Variants in SLC12A8 observed in about 807,000 individuals in gnomAD.
The protein encoded by SLC12A8 is solute carrier family 12 member 8.
Under a neutral mutation model 75.6 loss-of-function variants are expected in SLC12A8, and 69 were observed. That is an observed-to-expected ratio of 0.91 (90% CI 0.75 to 1.11). SLC12A8 has a LOEUF of 1.11. Among genes scored for constraint, SLC12A8 ranks in the 50% most tolerant of loss-of-function variants. SLC12A8 has a pLI of 0.00. For synonymous variants in SLC12A8, 365 were observed against 372.8 expected, an observed-to-expected ratio of 0.98 and a Z score of 0.24; for missense variants, 877 against 896.7, an observed-to-expected ratio of 0.98 and a Z score of 0.28.
intron 13 of SLC12A8, among the ~76,000 whole-genome samples, chr3:125,087,780 A>ACT (rs1938496558): frequency 6.6e-6 from 1 of 152,160 alleles, no homozygotes; most frequent in Non-Finnish European, 1.5e-5. Context: ...ATTTCTCAGG[A>ACT]AAGTTTTTTT....
intron 5 of SLC12A8, among the ~76,000 whole-genome samples, chr3:125,168,319 T>C (rs1438990323): frequency 1.3e-5 from 2 of 152,046 alleles, no homozygotes; most frequent in Non-Finnish European, 2.9e-5. Flanking sequence ...GAAAGGGCAG[T>C]GGGGGAAGAA....
chr3:125,107,328 C>T, intron 10 of SLC12A8, 153 bp downstream of exon 10: 1 of 703,740 alleles, frequency 1.4e-6, no homozygotes, highest in Non-Finnish European at 2.4e-6. Context: ...AATAATTCAG[C>T]TGATACCTGA....
At chr3:125,126,596 T>G (rs1933215052) in intron 6 of SLC12A8, among the ~76,000 whole-genome samples, 1 of 152,176 alleles carries the variant, frequency 6.6e-6, no homozygotes, top group African/African-American at 2.4e-5. Flanking sequence ...CAATTCCCTT[T>G]TCTGTTCCTG....
chr3:125,135,538 C>G (rs2107760843), intron 6 of SLC12A8, 131 bp downstream of exon 6: 1 of 505,036 alleles, frequency 2.0e-6, no homozygotes, highest in Middle Eastern at 4.8e-4. Flanking sequence ...AAATTTTAGT[C>G]AAAGCTAAGC....
chr3:125,190,053 G>T (rs1344302813), intron 3 of SLC12A8, among the ~76,000 whole-genome samples: 1 of 152,158 alleles, frequency 6.6e-6, no homozygotes, highest in Non-Finnish European at 1.5e-5. Context: ...ACTACAGAGG[G>T]CCACAAGCTG....
At chr3:125,199,387 T>C (rs1935076232) in intron 2 of SLC12A8, among the ~76,000 whole-genome samples, 1 of 152,162 alleles carries the variant, frequency 6.6e-6, no homozygotes, top group South Asian at 2.1e-4. Flanking sequence ...GTCAAATAAA[T>C]AAATAGGTTG....
chr3:125,088,029 C>A (rs922106261), intron 13 of SLC12A8: 33 of 428,726 alleles, frequency 7.7e-5, no homozygotes, highest in African/African-American at 6.3e-4. Context: ...TGACTTATCA[C>A]CCCAGCAACC....
rs186413007 is a variant in SLC12A8, at chr3:125,111,796, A to G, written c.913-1461T>C. 1.8e-4 allele frequency among the ~76,000 whole-genome samples: 27 copies of G among 152,312 alleles called. 1 individual carries two copies. In the East Asian group the frequency reaches 4.8e-3, roughly 27 times the overall value. Reference sequence around the variant, plus strand: ...TCAGTCAGGACAGTTGATTGGAAAAAAAAAATTTCTTTAAAAAAGAATATA... The same window carrying G: ...TCAGTCAGGACAGTTGATTGGAAAAGAAAAATTTCTTTAAAAAAGAATATA... On this transcript the variant is annotated intron_variant, in intron 8 of 13. Transcript: ENST00000469902.
chr3:125,189,266 A>T (rs1309056045), intron 3 of SLC12A8, among the ~76,000 whole-genome samples: 1 of 152,220 alleles, frequency 6.6e-6, no homozygotes, highest in Non-Finnish European at 1.5e-5. Flanking sequence ...TTCAGACTCA[A>T]GACTGCAGCA....
chr3:125,112,286 T>C (rs975449299), intron 8 of SLC12A8, among the ~76,000 whole-genome samples: 1 of 146,630 alleles, frequency 6.8e-6, no homozygotes, highest in African/African-American at 2.4e-5. Flanking sequence ...CACCTGTCTC[T>C]TTTTTCAATA....
chr3:125,184,938 A>G (rs895646816), intron 4 of SLC12A8, among the ~76,000 whole-genome samples: 2 of 152,200 alleles, frequency 1.3e-5, no homozygotes, highest in Non-Finnish European at 2.9e-5. Context: ...AAGGGGAGAC[A>G]TTACCACCAA....
At chr3:125,177,704 A>G (rs761803027) in intron 5 of SLC12A8, 39 bp downstream of exon 5, 1 of 1,529,580 alleles carries the variant, frequency 6.5e-7, no homozygotes, top group Non-Finnish European at 9.1e-7. Context: ...AAAGCAGTGA[A>G]GATCCATAAG....
chr3:125,199,013 C>T lies in SLC12A8; in HGVS notation c.52-8492G>A, dbSNP rs563057448. 2.6e-5 allele frequency among the ~76,000 whole-genome samples: 4 copies of T among 152,074 alleles called. No individual in the cohort carries two copies. The East Asian group carries it at 5.9e-4, about 22-fold the overall frequency. On this transcript the variant is annotated intron_variant, in intron 2 of 13. Coordinates refer to ENST00000469902, the MANE Select transcript of SLC12A8 (RefSeq NM_024628.6). ...CAGGATGGTCTCGATCTCCTGACCT[C>T]GTGATCCACCCTCCTTGGCCTCCCA...
At chr3:125,175,238 CT>C (rs1316750229) in intron 5 of SLC12A8, among the ~76,000 whole-genome samples, 17 of 152,080 alleles carry the variant, frequency 1.1e-4, no homozygotes, top group Admixed American at 1.0e-3. Flanking sequence ...TCCTTCCAGT[CT>C]TTTTTTCAAA....
At chr3:125,086,900 T>A (rs760547237) in intron 13 of SLC12A8, among the ~76,000 whole-genome samples, 3 of 152,170 alleles carry the variant, frequency 2.0e-5, no homozygotes, top group Non-Finnish European at 4.4e-5. Flanking sequence ...ACGAAGGCTT[T>A]ATTTCTTGTG....
At chr3:125,126,575 G>A (rs766146626) in intron 6 of SLC12A8, among the ~76,000 whole-genome samples, 57 of 152,062 alleles carry the variant, frequency 3.7e-4, no homozygotes, top group Non-Finnish European at 6.0e-4. Context: ...CCACAAGCCC[G>A]TTTCCCACCC....
chr3:125,097,535 TGTG>T (rs1938748081), intron 10 of SLC12A8, among the ~76,000 whole-genome samples: 2 of 9,200 alleles, frequency 2.2e-4, no homozygotes, highest in African/African-American at 2.6e-4. Flanking sequence ...GAATTGTGTG[TGTG>T]TGTGTGTGTG....
chr3:125,180,312 C>T (rs1180497571), intron 4 of SLC12A8, among the ~76,000 whole-genome samples: 5 of 152,046 alleles, frequency 3.3e-5, no homozygotes, highest in African/African-American at 7.2e-5. Context: ...TTAACCCCTC[C>T]GTGAAATACA....
At chr3:125,165,758 T>C (rs1199570927) in intron 5 of SLC12A8, among the ~76,000 whole-genome samples, 10 of 152,088 alleles carry the variant, frequency 6.6e-5, no homozygotes, top group Admixed American at 5.9e-4. Flanking sequence ...ATACCTATAA[T>C]AGGCCAGCAC....
Sources: allele counts gnomAD v4.1 joint callset (sites outside exome capture counted in the v4.1 genomes callset), GRCh38; gene constraint gnomAD v4.1.1; transcripts MANE v1.5; gene names NCBI Gene and HGNC (gene_info 2026-07-23, HGNC 2026-07-21).